Variants in USP34 observed in about 807,000 individuals in gnomAD.
USP34 encodes the protein ubiquitin specific peptidase 34, also known as ubiquitin carboxyl-terminal hydrolase 34.
In USP34, 70 loss-of-function variants were observed where a neutral mutation model predicts 460.3. The ratio of observed to expected loss-of-function variants is 0.15; its 90% CI spans 0.13 to 0.19. The LOEUF (loss-of-function observed/expected upper bound fraction) is 0.19, where lower values mean the gene tolerates loss of function less well. Among genes scored for constraint, USP34 ranks in the 10% least tolerant of loss-of-function variants. The pLI, the probability that USP34 is intolerant of heterozygous loss-of-function variation, is 1.00. For synonymous variants in USP34, 1,647 were observed against 1,405.3 expected, an observed-to-expected ratio of 1.17 and a Z score of -3.85; for missense variants, 3,985 against 4,236.2, an observed-to-expected ratio of 0.94 and a Z score of 1.65.
At chr2:61,246,831 T>G (rs1688429607) in intron 49 of USP34, among the ~76,000 whole-genome samples, 1 of 152,168 alleles carries the variant, frequency 6.6e-6, no homozygotes, top group Admixed American at 6.5e-5. Context: ...ATAAAATATT[T>G]CTTTAATCTG....
chr2:61,364,246 C>G (rs1307011206), intron 10 of USP34, among the ~76,000 whole-genome samples: 1 of 152,104 alleles, frequency 6.6e-6, no homozygotes, highest in East Asian at 1.9e-4. Flanking sequence ...GCTTTAGTCC[C>G]AGCTACTCAG....
chr2:61,213,637 C>T lies in USP34; in HGVS notation c.8682+423G>A, dbSNP rs138982796. On this transcript the variant is annotated intron_variant, in intron 68 of 79. Transcript: ENST00000398571. ...GGATGCAGCTTGAGAAAAAATACTG[C>T]GGAATACTACTAGTTTTAGATATAA... 2.7e-3 allele frequency among the ~76,000 whole-genome samples: 414 copies of T among 152,230 alleles called. 2 individuals are homozygous for T. The highest frequency in any genetic ancestry group is 5.1e-3 in the Non-Finnish European group (345 of 68,022).
rs1356073223 is a variant in USP34 at position 61,278,165 on chromosome 2, C to T, written c.5433G>A (p.Gln1811=). 1 of 1,612,346 alleles carries T rather than the reference C, an allele frequency of 6.2e-7. No homozygotes were observed. Among genetic ancestry groups the T allele is most frequent in the Non-Finnish European group, 8.5e-7 (1 of 1,179,124 alleles). Residue 1811 remains glutamine (Q), a splice_region_variant and synonymous_variant, in exon 41 of 80, where the codon CAG becomes CAA. Coordinates refer to ENST00000398571, the MANE Select transcript of USP34 (RefSeq NM_014709.4). The part of the protein sequence containing the change: ...KPPFKFSREG[Q]EFLRDIFNLL... The stretch of plus-strand genomic sequence containing the variant: ...AACATTTGATTATCTTAACACTTAC[C>T]TGTCCTTCCCTTGAAAATTTAAAGG...
At chr2:61,425,246 AATC>A (rs1694478562) in intron 1 of USP34, among the ~76,000 whole-genome samples, 2 of 152,144 alleles carry the variant, frequency 1.3e-5, no homozygotes, top group South Asian at 4.1e-4. Context: ...AAAAAACAAA[AATC>A]AGGTGAGTAC....
intron 1 of USP34, among the ~76,000 whole-genome samples, chr2:61,450,652 T>C (rs987047213): frequency 6.6e-6 from 1 of 151,964 alleles, no homozygotes; most frequent in African/African-American, 2.4e-5. Context: ...TGTGCAAATA[T>C]ACCATTTTAA....
At chr2:61,417,879 T>C (rs1694243965) in intron 2 of USP34, among the ~76,000 whole-genome samples, 1 of 149,640 alleles carries the variant, frequency 6.7e-6, no homozygotes, top group Non-Finnish European at 1.5e-5. Context: ...GTAGCTGGGG[T>C]TACACATGAG....
At chr2:61,373,876 C>T (rs1323064259) in intron 8 of USP34, among the ~76,000 whole-genome samples, 3 of 152,058 alleles carry the variant, frequency 2.0e-5, no homozygotes, top group African/African-American at 7.2e-5. Flanking sequence ...ATGGCGTGGC[C>T]AAGTACGGTG....
At chr2:61,253,563 C>T (rs1185658576) in intron 48 of USP34, among the ~76,000 whole-genome samples, 1 of 152,136 alleles carries the variant, frequency 6.6e-6, no homozygotes, top group African/African-American at 2.4e-5. Context: ...AATACCATCC[C>T]TTTCAAATAA....
At chr2:61,278,515 T>C (rs1689440322) in intron 39 of USP34, 72 bp from the exon 40 acceptor site, 4 of 1,195,782 alleles carry the variant, frequency 3.3e-6, no homozygotes, top group African/African-American at 1.6e-5. Context: ...ATTATTAAAA[T>C]CATTTCCTTA....
At chr2:61,203,306 A>G (rs778299877) in intron 74 of USP34, 43 bp from the exon 75 acceptor site, 1 of 1,430,098 alleles carries the variant, frequency 7.0e-7, no homozygotes, top group South Asian at 1.8e-5. Flanking sequence ...TAAATTGTAT[A>G]ATAAAGAGCA....
At chr2:61,449,921 C>T (rs1160709436) in intron 1 of USP34, among the ~76,000 whole-genome samples, 1 of 151,988 alleles carries the variant, frequency 6.6e-6, no homozygotes, top group Admixed American at 6.6e-5. Flanking sequence ...CAAAAATAAG[C>T]TGGGCATGGT....
intron 5 of USP34, among the ~76,000 whole-genome samples, chr2:61,384,750 G>A (rs1693084758): frequency 6.6e-6 from 1 of 151,978 alleles, no homozygotes; most frequent in Admixed American, 6.6e-5. Context: ...TCAAATAAAA[G>A]ACGTCTATAA....
At chr2:61,233,644 G>A (rs899034534) in intron 57 of USP34, among the ~76,000 whole-genome samples, 1 of 152,034 alleles carries the variant, frequency 6.6e-6, no homozygotes, top group Non-Finnish European at 1.5e-5. Flanking sequence ...GGGCAACAAA[G>A]AGACTCTGTC....
At chr2:61,283,363 T>C in intron 36 of USP34, 46 bp downstream of exon 36, 1 of 1,576,790 alleles carries the variant, frequency 6.3e-7, no homozygotes, top group Non-Finnish European at 8.6e-7. Context: ...ATCAATATAT[T>C]ATTCAAGTTT....
intron 5 of USP34, among the ~76,000 whole-genome samples, chr2:61,388,764 AAT>A (rs56090495): frequency 0.47 from 69,932 of 148,876 alleles, 17,640 homozygotes; most frequent in African/African-American, 0.66. Context: ...TCAGAAAAAG[AAT>A]ATATATATAT....
intron 5 of USP34, among the ~76,000 whole-genome samples, chr2:61,385,704 C>G (rs1466508144): frequency 3.7e-5 from 5 of 136,032 alleles, no homozygotes; most frequent in Non-Finnish European, 7.8e-5. Context: ...AGAAATACGA[C>G]AAGGAGAAGC....
At chr2:61,335,491 C>T (rs1691389573) in intron 18 of USP34, among the ~76,000 whole-genome samples, 1 of 152,148 alleles carries the variant, frequency 6.6e-6, no homozygotes, top group Non-Finnish European at 1.5e-5. Flanking sequence ...TGGTTCATGC[C>T]TGTAATCCCA....
At chr2:61,424,803 A>G (rs2922088) in intron 1 of USP34, among the ~76,000 whole-genome samples, 79,615 of 151,348 alleles carry the variant, frequency 0.53, 21,221 homozygotes, top group East Asian at 0.72. Context: ...AAAGGAGTTC[A>G]GGAAATCCAA....
intron 18 of USP34, among the ~76,000 whole-genome samples, chr2:61,337,069 C>T (rs775507735): frequency 2.6e-5 from 4 of 152,080 alleles, no homozygotes; most frequent in Non-Finnish European, 4.4e-5. Context: ...CAGATCTAAG[C>T]GCACAGCTCA....
Sources: gnomAD v4.1 joint callset for allele counts (sites outside exome capture counted in the v4.1 genomes callset) on GRCh38, gnomAD v4.1.1 for gene constraint, MANE v1.5 for transcripts, NCBI Gene and HGNC (gene_info 2026-07-23, HGNC 2026-07-21) for gene names.